ITSN1: variants seen among roughly 807,000 people sequenced by gnomAD.
The protein encoded by ITSN1 is intersectin 1, also known as intersectin-1.
A neutral mutation model predicts 239.8 loss-of-function variants in ITSN1; 58 were observed. That is an observed-to-expected ratio of 0.24 (90% CI 0.20 to 0.30). The LOEUF (loss-of-function observed/expected upper bound fraction) is 0.30, where lower values mean the gene tolerates loss of function less well. Among genes scored for constraint, ITSN1 ranks in the 10% least tolerant of loss-of-function variants. The probability of loss-of-function intolerance (pLI) is 1.00; values close to 1 mark genes in which losing one functional copy is unlikely to be tolerated. For missense variants in ITSN1, 1,558 were observed against 2,103.3 expected (o/e 0.74, Z 5.07); for synonymous variants, 780 against 770.8 (o/e 1.01, Z -0.20).
intron 1 of ITSN1, among the ~76,000 whole-genome samples, chr21:33,653,895 G>T (rs1322643852): frequency 2.6e-5 from 4 of 152,078 alleles, no homozygotes; most frequent in Admixed American, 2.6e-4. Flanking sequence ...GGTTCCAGCA[G>T]TTCTCCTGTC....
At chr21:33,874,173 A>AG (rs1235320944) in intron 33 of ITSN1, among the ~76,000 whole-genome samples, 2 of 149,054 alleles carry the variant, frequency 1.3e-5, no homozygotes, top group East Asian at 2.0e-4. Flanking sequence ...AAAAAAAAAA[A>AG]AAAAAGAACA....
At chr21:33,782,175 A>AT (rs779054232) in intron 16 of ITSN1, 42 bp downstream of exon 16, 1 of 1,588,250 alleles carries the variant, frequency 6.3e-7, no homozygotes, top group East Asian at 2.2e-5. Flanking sequence ...CCTACCTTTA[A>AT]TTTTTTTAAC....
At chr21:33,689,525 A>C (rs1336826540) in intron 1 of ITSN1, 1 of 152,054 alleles carries the variant, frequency 6.6e-6, no homozygotes. Context: ...ACAATAAATA[A>C]AATTAACAGG....
Position 33,895,647 on chromosome 21 carries a change from G to GTC in ITSN1, c.*7348_*7349insCT. ...TGTGTGTGTGCGTGTGTGTGCGTGT[G>GTC]TATGTGCGTGTATGCATGTGCATGT... On this transcript the variant is annotated 3_prime_UTR_variant, in exon 40 of 40. Coordinates refer to ENST00000381318, the MANE Select transcript of ITSN1 (RefSeq NM_003024.3). 1 of 150,986 alleles carries GTC rather than the reference G, an allele frequency of 6.6e-6. No homozygotes were observed. Among genetic ancestry groups the GTC allele is most frequent in the Non-Finnish European group, 1.5e-5 (1 of 67,862 alleles). The allele number at this position is 150,986 out of a possible 1,614,324, so 9.4% of individuals were successfully genotyped here.
At chr21:33,763,775 A>G (rs915001986) in intron 9 of ITSN1, among the ~76,000 whole-genome samples, 8 of 152,196 alleles carry the variant, frequency 5.3e-5, no homozygotes, top group African/African-American at 1.9e-4. Flanking sequence ...CCTTAAATTT[A>G]AATGTTAACT....
intron 1 of ITSN1, among the ~76,000 whole-genome samples, chr21:33,662,706 T>C (rs2834244): frequency 6.6e-6 from 1 of 152,028 alleles, no homozygotes; most frequent in Non-Finnish European, 1.5e-5. Context: ...TCAGCTCATA[T>C]AAAATGTGCT....
rs2073084479 is a variant in ITSN1, at chr21:33,813,826, T to G, written c.2568-87T>G. 4.3e-6 allele frequency: 5 copies of G among 1,175,162 alleles called. No homozygotes were observed. In the African/African-American group the frequency reaches 6.2e-5, roughly 14 times the overall value. The allele number at this position is 1,175,162 out of a possible 1,614,324, so 72.8% of individuals were successfully genotyped here. A position where few individuals can be genotyped will look rare whatever the true frequency, so the allele number is the denominator to read the frequency against. Reference sequence around the variant, plus strand: ...CTGGCATATTAGGGAGTGCTTGCTTTTTTTTTTTTTTGGTACTTTACTGTG... The same window carrying G: ...CTGGCATATTAGGGAGTGCTTGCTTGTTTTTTTTTTTGGTACTTTACTGTG... On this transcript the variant is annotated intron_variant, in intron 21 of 39. Coordinates refer to ENST00000381318, the MANE Select transcript of ITSN1 (RefSeq NM_003024.3).
At chr21:33,815,286 G>C (rs1361032011) in intron 22 of ITSN1, among the ~76,000 whole-genome samples, 3 of 113,962 alleles carry the variant, frequency 2.6e-5, no homozygotes, top group Non-Finnish European at 5.2e-5. Context: ...TGGTCTGGAA[G>C]AAGAAGAGGA....
rs1986246997 is a variant in ITSN1, at chr21:33,889,926, T to C, written c.*1626T>C. The C allele has an allele frequency of 6.6e-6, 1 of 152,244 alleles. No individual in the cohort carries two copies. Among genetic ancestry groups the C allele is most frequent in the Admixed American group, 6.5e-5 (1 of 15,288 alleles). 9.4% of individuals were successfully genotyped at this position (152,244 alleles called of 1,614,324 possible). ...GTTTACATTTCATACTTTTAAGAAA[T>C]ACTTTATTATTTATTTATTGAAGAT... On this transcript the variant is annotated 3_prime_UTR_variant, in exon 40 of 40. Transcript: ENST00000381318.
At chr21:33,839,065 G>A (rs1022130671) in intron 29 of ITSN1, among the ~76,000 whole-genome samples, 2 of 152,188 alleles carry the variant, frequency 1.3e-5, no homozygotes, top group African/African-American at 2.4e-5. Flanking sequence ...CCATTCAGTG[G>A]AAAAGTGGTT....
intron 1 of ITSN1, among the ~76,000 whole-genome samples, chr21:33,666,471 TA>T (rs11324315): frequency 0.52 from 78,729 of 152,064 alleles, 21,784 homozygotes; most frequent in East Asian, 0.84. Flanking sequence ...TTAAAAAAAA[TA>T]AATATTTCGA....
chr21:33,715,097 TACA>T (rs530465074), intron 1 of ITSN1, among the ~76,000 whole-genome samples: 106 of 152,240 alleles, frequency 7.0e-4, no homozygotes, highest in African/African-American at 2.5e-3. Flanking sequence ...TTTACTAAAA[TACA>T]ACAACAAACC....
At chr21:33,790,454 T>A (rs2071032337) in intron 16 of ITSN1, among the ~76,000 whole-genome samples, 1 of 152,132 alleles carries the variant, frequency 6.6e-6, no homozygotes, top group Non-Finnish European at 1.5e-5. Context: ...TATTACATAC[T>A]CTACCTAGTG....
intron 31 of ITSN1, among the ~76,000 whole-genome samples, chr21:33,859,442 A>G (rs1216042188): frequency 6.6e-6 from 1 of 151,986 alleles, no homozygotes; most frequent in Non-Finnish European, 1.5e-5. Flanking sequence ...TCCAATTCTT[A>G]GAAAAAAAAA....
intron 20 of ITSN1, among the ~76,000 whole-genome samples, chr21:33,805,741 G>T (rs977547417): frequency 6.6e-6 from 1 of 151,722 alleles, no homozygotes; most frequent in South Asian, 2.1e-4. Flanking sequence ...GCGCGATCTC[G>T]GTTCCCTGCA....
At chr21:33,795,652 A>G (rs1401475582) in intron 17 of ITSN1, among the ~76,000 whole-genome samples, 1 of 152,062 alleles carries the variant, frequency 6.6e-6, no homozygotes, top group Non-Finnish European at 1.5e-5. Flanking sequence ...CTTGGGGGTC[A>G]GACTAAGGAT....
At chr21:33,691,843 C>G (rs1568949913) in intron 1 of ITSN1, among the ~76,000 whole-genome samples, 1 of 152,182 alleles carries the variant, frequency 6.6e-6, no homozygotes, top group Non-Finnish European at 1.5e-5. Context: ...AGGCTCCACT[C>G]TCATGATTTT....
At chr21:33,687,562 C>T (rs2091311633) in intron 1 of ITSN1, among the ~76,000 whole-genome samples, 1 of 152,102 alleles carries the variant, frequency 6.6e-6, no homozygotes, top group Admixed American at 6.6e-5. Flanking sequence ...TTTTAGGGAA[C>T]AGCATTCCTC....
intron 19 of ITSN1, among the ~76,000 whole-genome samples, chr21:33,801,924 T>G (rs1475882539): frequency 1.3e-5 from 2 of 152,258 alleles, no homozygotes; most frequent in African/African-American, 4.8e-5. Flanking sequence ...ACACCGTGGT[T>G]TCTGATAGCC....
Sources: gnomAD v4.1 joint callset for allele counts (sites outside exome capture counted in the v4.1 genomes callset) on GRCh38, gnomAD v4.1.1 for gene constraint, MANE v1.5 for transcripts, NCBI Gene and HGNC (gene_info 2026-07-23, HGNC 2026-07-21) for gene names.